DMD: variants seen among roughly 807,000 people sequenced by gnomAD.
DMD encodes the protein mutant dystrophin.
Under a neutral mutation model 330.1 loss-of-function variants are expected in DMD, and 63 were observed. The ratio of observed to expected loss-of-function variants is 0.19; its 90% CI spans 0.16 to 0.24. DMD has a LOEUF of 0.24. Ranked by LOEUF, DMD falls within the 10% of genes least tolerant of loss-of-function variation. The pLI is 1.00. For missense variants in DMD, 3,344 were observed against 2,684.1 expected (o/e 1.25, Z -5.43); for synonymous variants, 1,223 against 959.8 (o/e 1.27, Z -5.07).
At chrX:32,090,271 G>A (rs1216224778) in intron 44 of DMD, among the ~76,000 whole-genome samples, 1 of 111,701 alleles carries the variant, frequency 9.0e-6, no homozygotes, top group African/African-American at 3.3e-5. Flanking sequence ...TAGGAGGGGA[G>A]TTAGAATACC....
chrX:33,202,059 G>T (rs1434834698), intron 1 of DMD, among the ~76,000 whole-genome samples: 1 of 112,079 alleles, frequency 8.9e-6, no homozygotes, highest in East Asian at 2.8e-4. Flanking sequence ...AGTTATTTAG[G>T]ATATCTCAGT....
intron 47 of DMD, among the ~76,000 whole-genome samples, chrX:31,927,764 T>C (rs2094799851): frequency 9.0e-6 from 1 of 111,588 alleles, no homozygotes; most frequent in South Asian, 3.7e-4. Context: ...GTGTAAATGA[T>C]CTGTTATTAG....
chrX:32,664,496 C>G (rs757879667), intron 9 of DMD, among the ~76,000 whole-genome samples: 11 of 110,295 alleles, frequency 1.0e-4, no homozygotes, highest in Admixed American at 8.6e-4. Flanking sequence ...CCGCCTCGGC[C>G]TCTCAAAGTG....
At chrX:31,275,850 T>G (rs189732669) in intron 62 of DMD, among the ~76,000 whole-genome samples, 47 of 111,494 alleles carry the variant, frequency 4.2e-4, no homozygotes, top group Non-Finnish European at 6.4e-4. Context: ...AGTGTAGGAT[T>G]TTTGATAATG....
intron 2 of DMD, among the ~76,000 whole-genome samples, chrX:32,921,772 C>A (rs999455916): frequency 9.0e-6 from 1 of 111,547 alleles, no homozygotes; most frequent in Non-Finnish European, 1.9e-5. Flanking sequence ...GGGTCATTAA[C>A]ACTAAAAATA....
chrX:32,999,786 AC>A (rs201793217), intron 2 of DMD, among the ~76,000 whole-genome samples: 6 of 96,894 alleles, frequency 6.2e-5, no homozygotes, highest in East Asian at 8.3e-4. Context: ...AAAAACAAAA[AC>A]AAAAACAAAA....
At chrX:32,351,511 T>A in intron 37 of DMD, among the ~76,000 whole-genome samples, 1 of 108,778 alleles carries the variant, frequency 9.2e-6, no homozygotes, top group East Asian at 2.9e-4. Flanking sequence ...TAATCAGGAA[T>A]TATTTGGAGA....
chrX:33,208,911 CTGA>C (rs1436220579), intron 1 of DMD, among the ~76,000 whole-genome samples: 1 of 110,725 alleles, frequency 9.0e-6, no homozygotes, highest in Non-Finnish European at 1.9e-5. Flanking sequence ...TGAAAAACAC[CTGA>C]TGTTTCCAAG....
intron 4 of DMD, among the ~76,000 whole-genome samples, chrX:32,835,335 G>A (rs1487133420): frequency 8.9e-6 from 1 of 112,063 alleles, no homozygotes; most frequent in African/African-American, 3.2e-5. Flanking sequence ...AGAAGCTGTG[G>A]ATACATTTTT....
At position 31,423,325 on chromosome X, in the gene DMD, G is replaced by A. The variant is rs991192587; in HGVS notation, c.9084+21156C>T. 2.7e-5 allele frequency among the ~76,000 whole-genome samples: 3 copies of A among 110,952 alleles called. No homozygotes were observed. The South Asian group carries it at 1.1e-3, about 42-fold the overall frequency. The stretch of plus-strand genomic sequence containing the variant: ...GAGAAAGAAAAGAACAAAATGCATC[G>A]CATTTAACTTGGTTTAAAAACACAA... On this transcript the variant is annotated intron_variant, in intron 60 of 78. Coordinates refer to ENST00000357033, the MANE Select transcript of DMD (RefSeq NM_004006.3).
intron 60 of DMD, among the ~76,000 whole-genome samples, chrX:31,363,538 G>A (rs1297803147): frequency 1.8e-5 from 2 of 109,309 alleles, no homozygotes; most frequent in African/African-American, 3.3e-5. Flanking sequence ...GCACCACCAC[G>A]CCTGGCTAAT....
chrX:32,435,297 T>TATATATATATATATATATA (rs1557355914), intron 29 of DMD, among the ~76,000 whole-genome samples: 55 of 99,244 alleles, frequency 5.5e-4, no homozygotes, highest in Non-Finnish European at 8.1e-4. Flanking sequence ...TATATATATA[T>TATATATATATATATATATA]TTACACCCAT....
intron 2 of DMD, among the ~76,000 whole-genome samples, chrX:32,941,543 C>G (rs1340111989): frequency 9.0e-6 from 1 of 111,380 alleles, no homozygotes; most frequent in Non-Finnish European, 1.9e-5. Flanking sequence ...TAGGCGAATT[C>G]ATGCAGCAAC....
At chrX:32,756,370 A>G (rs2071504121) in intron 7 of DMD, 1 of 111,862 alleles carries the variant, frequency 8.9e-6, no homozygotes, top group Non-Finnish European at 1.9e-5. Context: ...AAGTACCCAA[A>G]GCTAAATGTG....
At chrX:31,544,586 C>T (rs2074039667) in intron 55 of DMD, among the ~76,000 whole-genome samples, 1 of 111,081 alleles carries the variant, frequency 9.0e-6, no homozygotes, top group Non-Finnish European at 1.9e-5. Flanking sequence ...AGTTTATTAC[C>T]ATTCCCCTTT....
intron 4 of DMD, among the ~76,000 whole-genome samples, chrX:32,831,654 G>A (rs1457105248): frequency 8.3e-5 from 1 of 12,067 alleles, no homozygotes; most frequent in Non-Finnish European, 2.4e-4. Flanking sequence ...ATTTACGTGT[G>A]TGTGTGTGTG....
intron 1 of DMD, among the ~76,000 whole-genome samples, chrX:33,196,863 C>T (rs2050967024): frequency 9.0e-6 from 1 of 110,907 alleles, no homozygotes; most frequent in Non-Finnish European, 1.9e-5. Context: ...GGATTACTTG[C>T]CTTTGTAGGT....
chrX:32,024,245 G>A (rs1385713005), intron 44 of DMD, among the ~76,000 whole-genome samples: 1 of 111,410 alleles, frequency 9.0e-6, no homozygotes, highest in Non-Finnish European at 1.9e-5. Flanking sequence ...AGCACTGTGG[G>A]AGGCCAAGGC....
intron 63 of DMD, among the ~76,000 whole-genome samples, chrX:31,228,267 T>TAAAA (rs1367757647): frequency 2.8e-4 from 11 of 39,558 alleles, no homozygotes; most frequent in African/African-American, 3.7e-4. Flanking sequence ...AAAAAAAAAA[T>TAAAA]AAAAAAATAA....
Sources: allele counts gnomAD v4.1 joint callset (sites outside exome capture counted in the v4.1 genomes callset), GRCh38; gene constraint gnomAD v4.1.1; transcripts MANE v1.5; gene names NCBI Gene and HGNC (gene_info 2026-07-23, HGNC 2026-07-21).